Variants in TBX1 observed in about 807,000 individuals in gnomAD.
TBX1 encodes T-box transcription factor 1.
Under a neutral mutation model 40.8 loss-of-function variants are expected in TBX1, and 16 were observed. The ratio of observed to expected loss-of-function variants is 0.39; its 90% CI spans 0.27 to 0.60. The LOEUF (loss-of-function observed/expected upper bound fraction) is 0.60. TBX1 is among the 20% of genes least tolerant of loss of function. The pLI, the probability that TBX1 is intolerant of heterozygous loss-of-function variation, is 0.51. For synonymous variants in TBX1, 403 were observed against 336.8 expected (o/e 1.20, Z -2.15); for missense variants, 755 against 728.5 (o/e 1.04, Z -0.42).
upstream of TBX1, among the ~76,000 whole-genome samples, chr22:19,759,026 G>C (rs956799435): frequency 6.6e-6 from 1 of 152,190 alleles, no homozygotes; most frequent in South Asian, 2.1e-4. Context: ...AGGCGGGAGG[G>C]GCCAAGGGCA....
downstream of TBX1, chr22:19,779,583 C>G (rs1937118687): frequency 1.4e-6 from 2 of 1,428,280 alleles, no homozygotes; most frequent in East Asian, 2.5e-5. Flanking sequence ...GTTGATAAAT[C>G]AAAACTTGTT....
At chr22:19,760,574 G>C (rs1057251107), upstream of TBX1, among the ~76,000 whole-genome samples, 9 of 137,684 alleles carry the variant, frequency 6.5e-5, no homozygotes, top group African/African-American at 2.4e-4. Context: ...GGGGGGCCCC[G>C]GGCCGAGCGA....
At chr22:19,759,558 CG>C (rs1936572075), upstream of TBX1, 1 of 1,574,388 alleles carries the variant, frequency 6.4e-7, no homozygotes. Flanking sequence ...CTGGTTGCAG[CG>C]GAGGCGGCGG....
At chr22:19,777,139 C>A (rs1043076142) in intron 8 of TBX1, among the ~76,000 whole-genome samples, 1 of 151,962 alleles carries the variant, frequency 6.6e-6, no homozygotes, top group Non-Finnish European at 1.5e-5. Context: ...TATACATGTG[C>A]CATGTTGGTG....
chr22:19,777,571 T>C lies in TBX1; in HGVS notation c.1010-1649T>C, dbSNP rs1323598102. The stretch of plus-strand genomic sequence containing the variant: ...CATGATTTATAATCCTTTGGGTATA[T>C]ACCCAGTAATGGGGTGGCTGAGTTC... On this transcript the variant is annotated intron_variant, in intron 8 of 8. Coordinates refer to the TBX1 transcript ENST00000329705. Among the ~76,000 whole-genome samples, 3 of 152,194 alleles carry C rather than the reference T, an allele frequency of 2.0e-5. No homozygotes were observed. The East Asian group carries it at 5.8e-4, about 29-fold the overall frequency.
upstream of TBX1, chr22:19,759,796 TG>T (rs1398940236): frequency 2.5e-6 from 3 of 1,209,530 alleles, no homozygotes; most frequent in African/African-American, 3.0e-5. Context: ...TCCAGGCTTC[TG>T]GCTGCGATTC....
Position 19,760,829 on chromosome 22 carries a change from G to C in TBX1, c.-15G>C. On this transcript the variant is annotated 5_prime_UTR_variant, in exon 1 of 7. Transcript: ENST00000649276. ...TCAGCTTGGTGGCGGGGGCGGCGGC[G>C]GCGGCCCGCGGGTCATGATCTCCGC... is the stretch of plus-strand genomic sequence containing the variant. 1 of 859,652 alleles carries C rather than the reference G, an allele frequency of 1.2e-6. No homozygotes were observed. The highest frequency in any genetic ancestry group is 1.4e-6 in the Non-Finnish European group (1 of 716,342). 53.3% of individuals were successfully genotyped at this position (859,652 alleles called of 1,614,324 possible).
chr22:19,763,043 C>G (rs564561495), intron 1 of TBX1, among the ~76,000 whole-genome samples, 198 bp from the exon 2 acceptor site: 2 of 152,188 alleles, frequency 1.3e-5, no homozygotes, highest in Non-Finnish European at 2.9e-5. Flanking sequence ...TCCCCTGCTG[C>G]GCCAAGCTCC....
chr22:19,756,704 C>CGGCAGGGGGAGCGAGGA (rs1391780902), upstream of TBX1: 1 of 152,226 alleles, frequency 6.6e-6, no homozygotes, highest in Non-Finnish European at 1.5e-5. Flanking sequence ...GAGGTGCGGC[C>CGGCAGGGGGAGCGAGGA]GGCAGGGGGA....
chr22:19,778,443 T>C (rs1305612671), intron 8 of TBX1, among the ~76,000 whole-genome samples: 1 of 150,074 alleles, frequency 6.7e-6, no homozygotes, highest in Admixed American at 6.6e-5. Context: ...CTTCTTCTTT[T>C]TTTTTTTTGA....
Position 19,766,774 on chromosome 22 carries a change from C to T in TBX1, c.1422C>T (p.Ala474=), listed in dbSNP as rs1203764624. ...HHHPVSPAAA[A]AAAAAAAAAA... ...ACCCCGTGAGTCCAGCCGCCGCGGC[C>T]GCCGCCGCCGCTGCCGCAGCTGCCG... is the stretch of plus-strand genomic sequence containing the variant. Residue 474 remains alanine, a synonymous_variant, in exon 7 of 7, where the codon GCC becomes GCT. Coordinates refer to ENST00000649276, the MANE Select transcript of TBX1 (RefSeq NM_001379200.1). 2 of 1,465,086 alleles carry T rather than the reference C, an allele frequency of 1.4e-6. No individual in the cohort carries two copies. The highest frequency in any genetic ancestry group is 5.5e-5 in the Admixed American group (2 of 36,288). The allele number at this position is 1,465,086 out of a possible 1,614,324, so 90.8% of individuals were successfully genotyped here.
Position 19,766,737 on chromosome 22 carries a change from A to G in TBX1, c.1385A>G (p.His462Arg). 6.5e-7 allele frequency: 1 copy of G among 1,529,470 alleles called. No individual in the cohort carries two copies. The highest frequency in any genetic ancestry group is 8.7e-7 in the Non-Finnish European group (1 of 1,147,482). 94.7% of individuals were successfully genotyped at this position (1,529,470 alleles called of 1,614,324 possible). A position where few individuals can be genotyped will look rare whatever the true frequency, so the allele number is the denominator to read the frequency against. Residue 462 changes from histidine to arginine, a missense_variant, in exon 7 of 7, where the codon CAC becomes CGC. Physicochemically the swap from His to Arg is conservative, Grantham distance 29. This residue lies in a region of TBX1 where 412 missense variants were observed against 317.6 expected (regional missense o/e 1.30). Transcript: ENST00000649276. ...GHGYHPHAHP[H>R]HHHHPVSPAA... is the part of the protein sequence containing the mutation. ...GGCTACCACCCGCACGCGCATCCGC[A>G]CCACCACCACCACCCCGTGAGTCCA... is the stretch of plus-strand genomic sequence containing the variant.
At chr22:19,781,086 TTTG>T (rs1937138850), downstream of TBX1, among the ~76,000 whole-genome samples, 1 of 152,024 alleles carries the variant, frequency 6.6e-6, no homozygotes, top group Non-Finnish European at 1.5e-5. Flanking sequence ...CCGGCCCTGT[TTTG>T]TTTTTATTTT....
intron 4 of TBX1, 31 bp downstream of exon 4, chr22:19,765,144 T>A: frequency 6.2e-7 from 1 of 1,613,970 alleles, no homozygotes; most frequent in East Asian, 2.2e-5. Context: ...CCTGAGCGGA[T>A]TCAACGCCTC....
At chr22:19,758,833 G>A (rs915438116), upstream of TBX1, among the ~76,000 whole-genome samples, 1 of 152,232 alleles carries the variant, frequency 6.6e-6, no homozygotes, top group African/African-American at 2.4e-5. Context: ...CCTCTGCTGG[G>A]GTCTCCAGCG....
chr22:19,763,548 T>A (rs1415230443), intron 2 of TBX1: 1 of 599,586 alleles, frequency 1.7e-6, no homozygotes, highest in Non-Finnish European at 3.0e-6. Flanking sequence ...AACCCGCCTC[T>A]GGAGCCGCAG....
In TBX1 at chr22:19,765,956, G is replaced by A. The variant is rs1268727769; in HGVS notation, c.990G>A (p.Ser330=). 10 of 1,520,732 alleles carry A rather than the reference G, an allele frequency of 6.6e-6. No individual in the cohort carries two copies. The highest frequency in any genetic ancestry group is 5.7e-5 in the African/African-American group (4 of 70,368). The allele number at this position is 1,520,732 out of a possible 1,614,324, so 94.2% of individuals were successfully genotyped here. ...CGCTCATGAGCGCCTTCGCGCGCTC[G>A]CGGAACCCCGTGGCTTCCCCGACGC... ...ALPLMSAFAR[S]RNPVASPTQP... Residue 330 remains serine (S), a synonymous_variant, in exon 6 of 7, where the codon TCG becomes TCA. Coordinates refer to ENST00000649276, the MANE Select transcript of TBX1 (RefSeq NM_001379200.1).
upstream of TBX1, among the ~76,000 whole-genome samples, chr22:19,760,238 A>G (rs187741898): frequency 5.6e-4 from 84 of 151,280 alleles, 3 homozygotes; most frequent in East Asian, 0.016. Flanking sequence ...AAAGAAAAAC[A>G]TAAAAAACAA....
chr22:19,765,632 TGG>T, intron 4 of TBX1, 124 bp from the exon 5 acceptor site: 1 of 1,035,588 alleles, frequency 9.7e-7, no homozygotes, highest in Non-Finnish European at 1.4e-6. Context: ...AGACGTGGAC[TGG>T]TTCTTGTCAG....
Sources: gnomAD v4.1 joint callset for allele counts (sites outside exome capture counted in the v4.1 genomes callset) on GRCh38, gnomAD v4.1.1 for gene constraint, gnomAD v4.1.1 regional missense constraint, MANE v1.5 for transcripts, NCBI Gene and HGNC (gene_info 2026-07-23, HGNC 2026-07-21) for gene names.